LMX1A: variants seen among roughly 807,000 people sequenced by gnomAD.
LMX1A encodes LIM homeobox transcription factor 1 alpha, also known as LIM homeobox transcription factor 1-alpha.
LMX1A carries 15 observed loss-of-function variants against 49.1 expected under a neutral mutation model. The ratio of observed to expected loss-of-function variants is 0.31; its 90% CI spans 0.20 to 0.47. The LOEUF is 0.47. Ranked by LOEUF, LMX1A falls within the 20% of genes least tolerant of loss-of-function variation. The pLI is 1.00. For missense variants in LMX1A, 372 were observed against 475.8 expected (o/e 0.78, Z 2.03); for synonymous variants, 167 against 185.7 (o/e 0.90, Z 0.82).
intron 3 of LMX1A, among the ~76,000 whole-genome samples, chr1:165,293,122 AAAAAC>A (rs1321665532): frequency 1.3e-5 from 2 of 151,922 alleles, no homozygotes; most frequent in African/African-American, 2.4e-5. Flanking sequence ...TCTCAAAAAA[AAAAAC>A]AAAACAAAAC....
At chr1:165,325,791 G>A (rs1655560145) in intron 3 of LMX1A, among the ~76,000 whole-genome samples, 1 of 152,156 alleles carries the variant, frequency 6.6e-6, no homozygotes, top group African/African-American at 2.4e-5. Context: ...TAATAAGCCA[G>A]GAGAGTTAAT....
chr1:165,254,007 G>T (rs933627654), intron 3 of LMX1A, among the ~76,000 whole-genome samples: 1 of 152,126 alleles, frequency 6.6e-6, no homozygotes, highest in African/African-American at 2.4e-5. Flanking sequence ...TTGCCAACCT[G>T]AGCAAACTAA....
At chr1:165,229,141 C>T (rs1652153309) in intron 4 of LMX1A, among the ~76,000 whole-genome samples, 2 of 151,452 alleles carry the variant, frequency 1.3e-5, no homozygotes, top group Non-Finnish European at 2.9e-5. Flanking sequence ...AAAAATGTGG[C>T]CATTTAAACT....
intron 3 of LMX1A, among the ~76,000 whole-genome samples, chr1:165,348,798 T>C (rs1656328149): frequency 6.6e-6 from 1 of 152,164 alleles, no homozygotes; most frequent in African/African-American, 2.4e-5. Context: ...ATAGATATCA[T>C]TACCTAAGTC....
chr1:165,286,054 G>A (rs1654297021), intron 3 of LMX1A, among the ~76,000 whole-genome samples: 1 of 152,288 alleles, frequency 6.6e-6, no homozygotes, highest in Admixed American at 6.5e-5. Flanking sequence ...AGGGGGAAGT[G>A]GAATTGGCAT....
At chr1:165,222,671 T>C (rs2102613505) in intron 4 of LMX1A, among the ~76,000 whole-genome samples, 1 of 152,348 alleles carries the variant, frequency 6.6e-6, no homozygotes, top group Non-Finnish European at 1.5e-5. Flanking sequence ...TCAAATTCAC[T>C]GTGGTTTTAA....
chr1:165,206,270 T>C (rs6671290), intron 7 of LMX1A, among the ~76,000 whole-genome samples: 9,853 of 152,196 alleles, frequency 0.065, 393 homozygotes, highest in East Asian at 0.11. Flanking sequence ...AAGGTTTTGA[T>C]GCTAGCCACA....
intron 3 of LMX1A, among the ~76,000 whole-genome samples, chr1:165,252,130 C>G (rs1653080701): frequency 6.6e-6 from 1 of 152,206 alleles, no homozygotes; most frequent in East Asian, 1.9e-4. Flanking sequence ...TATAACTTAT[C>G]TTGTCAACAG....
intron 3 of LMX1A, among the ~76,000 whole-genome samples, chr1:165,333,359 G>A (rs761054004): frequency 2.0e-5 from 3 of 151,980 alleles, no homozygotes; most frequent in Middle Eastern, 3.2e-3. Flanking sequence ...GGGTTTCACC[G>A]GGTTAGCCAG....
In LMX1A at chr1:165,356,569, G is replaced by T. The variant is rs896252419; in HGVS notation, c.-237C>A. On this transcript the variant is annotated 5_prime_UTR_variant, in exon 1 of 9. Coordinates refer to ENST00000342310, the MANE Select transcript of LMX1A (RefSeq NM_177398.4). ...GCCGGGACGTGGTCGCGAGCTGCCG[G>T]CCTTCCCGGGACGTCCTACCAGCCC... 6.6e-6 allele frequency: 1 copy of T among 152,350 alleles called. No homozygotes were observed. The highest frequency in any genetic ancestry group is 1.5e-5 in the Non-Finnish European group (1 of 68,052). 9.4% of individuals were successfully genotyped at this position (152,350 alleles called of 1,614,324 possible). A position where few individuals can be genotyped will look rare whatever the true frequency, so the allele number is the denominator to read the frequency against.
intron 4 of LMX1A, among the ~76,000 whole-genome samples, chr1:165,219,255 A>G (rs1033450279): frequency 2.0e-5 from 3 of 152,150 alleles, no homozygotes; most frequent in Non-Finnish European, 4.4e-5. Flanking sequence ...GAAAAATCCC[A>G]ACGGCCCATA....
intron 6 of LMX1A, among the ~76,000 whole-genome samples, chr1:165,209,047 C>G (rs1165031899): frequency 1.3e-5 from 2 of 152,168 alleles, no homozygotes; most frequent in African/African-American, 4.8e-5. Flanking sequence ...GTGTATGTGT[C>G]TGTGTGTAGG....
At chr1:165,288,340 C>A (rs1206366307) in intron 3 of LMX1A, among the ~76,000 whole-genome samples, 1 of 152,270 alleles carries the variant, frequency 6.6e-6, no homozygotes, top group South Asian at 2.1e-4. Flanking sequence ...AAAGTGTGGT[C>A]TGGAAGAGGC....
chr1:165,328,874 C>T (rs530070938), intron 3 of LMX1A, among the ~76,000 whole-genome samples: 14 of 152,296 alleles, frequency 9.2e-5, no homozygotes, highest in African/African-American at 3.4e-4. Flanking sequence ...AGCAATTTAT[C>T]TCTCTGGAGC....
chr1:165,213,707 G>A lies in LMX1A; in HGVS notation c.603C>T (p.Ile201=). The A allele has an allele frequency of 6.2e-7, 1 of 1,614,222 alleles. No homozygotes were observed. The highest frequency in any genetic ancestry group is 8.5e-7 in the Non-Finnish European group (1 of 1,180,036). Reference sequence around the variant, plus strand: ...ATGCTCGCCTCTGTTGAGTTGTCAAGATGGTTCTCGGACGTTTGGGGCGCT... The same window carrying A: ...ATGCTCGCCTCTGTTGAGTTGTCAAAATGGTTCTCGGACGTTTGGGGCGCT... ...DHKRPKRPRT[I]LTTQQRRAFK... Residue 201 remains isoleucine (I), a synonymous_variant, in exon 5 of 9, where the codon ATC becomes ATT. Transcript: ENST00000342310.
intron 3 of LMX1A, among the ~76,000 whole-genome samples, chr1:165,324,285 C>A (rs1434172112): frequency 6.6e-6 from 1 of 152,188 alleles, no homozygotes; most frequent in African/African-American, 2.4e-5. Flanking sequence ...GAACTCAGGG[C>A]TCTGGTCAAA....
intron 3 of LMX1A, among the ~76,000 whole-genome samples, chr1:165,349,421 G>T (rs1179886066): frequency 6.6e-6 from 1 of 151,638 alleles, no homozygotes. Context: ...GAAGACAGTT[G>T]AATCCACTTT....
intron 8 of LMX1A, 116 bp from the exon 9 acceptor site, chr1:165,204,156 T>C: frequency 9.0e-7 from 1 of 1,112,648 alleles, no homozygotes; most frequent in South Asian, 1.5e-5. Flanking sequence ...AGGTGAAACT[T>C]TCTACAAAAA....
rs974470757 is a variant in LMX1A at position 165,222,214 on chromosome 1, T to G, written c.497-8401A>C. On this transcript the variant is annotated intron_variant, in intron 4 of 8. Transcript: ENST00000342310. ...ACTGAAACCATAACTCGTTTTGTTTTGATTTGGCCAGCCTCCAAGAAGGAG... is the reference window on the plus strand; with the variant it reads ...ACTGAAACCATAACTCGTTTTGTTTGGATTTGGCCAGCCTCCAAGAAGGAG... Among the ~76,000 whole-genome samples, 3 of 152,190 alleles carry G rather than the reference T, an allele frequency of 2.0e-5. No individual in the cohort carries two copies. The East Asian group carries it at 5.8e-4, about 29-fold the overall frequency.
Sources: gnomAD v4.1 joint callset for allele counts (sites outside exome capture counted in the v4.1 genomes callset) on GRCh38, gnomAD v4.1.1 for gene constraint, MANE v1.5 for transcripts, NCBI Gene and HGNC (gene_info 2026-07-23, HGNC 2026-07-21) for gene names.